HS1BP3: variants seen among roughly 807,000 people sequenced by gnomAD.
HS1BP3 encodes the protein HCLS1 binding protein 3.
Under a neutral mutation model 33.5 loss-of-function variants are expected in HS1BP3, and 32 were observed. That is an observed-to-expected ratio of 0.95 (90% confidence interval 0.72 to 1.28). The LOEUF is 1.28. HS1BP3 is among the 50% of genes most tolerant of loss of function. The pLI is 0.00. For synonymous variants in HS1BP3, 187 were observed against 209.2 expected, an observed-to-expected ratio of 0.89 and a Z score of 0.92; for missense variants, 486 against 502.3, an observed-to-expected ratio of 0.97 and a Z score of 0.31.
At chr2:20,650,633 CCT>C (rs1695664697) in intron 1 of HS1BP3, among the ~76,000 whole-genome samples, 1 of 152,240 alleles carries the variant, frequency 6.6e-6, no homozygotes, top group Non-Finnish European at 1.5e-5. Flanking sequence ...GTCTGATTCG[CCT>C]CTGTCCCCAG....
chr2:20,630,186 T>A (rs1346048240), intron 4 of HS1BP3, among the ~76,000 whole-genome samples: 1 of 152,256 alleles, frequency 6.6e-6, no homozygotes, highest in Non-Finnish European at 1.5e-5. Context: ...TCCTTGCCAA[T>A]GATGCAAACT....
At chr2:20,601,802 G>A (rs868027489) in intron 2 of HS1BP3, among the ~76,000 whole-genome samples, 59 of 94,884 alleles carry the variant, frequency 6.2e-4, no homozygotes, top group African/African-American at 1.9e-3. Context: ...TTTTTGAGAC[G>A]GAGTCTTGCT....
intron 2 of HS1BP3, among the ~76,000 whole-genome samples, chr2:20,600,318 G>A (rs1001847819): frequency 6.6e-6 from 1 of 152,158 alleles, no homozygotes; most frequent in Non-Finnish European, 1.5e-5. Context: ...CACTGAGGGC[G>A]AGGTTGGCTG....
At chr2:20,562,457 C>T (rs1326287765) in intron 5 of HS1BP3, among the ~76,000 whole-genome samples, 4 of 151,844 alleles carry the variant, frequency 2.6e-5, no homozygotes, top group African/African-American at 7.3e-5. Context: ...TTAGCCTGGG[C>T]GACAGAGTGA....
chr2:20,628,007 G>C (rs567945181), intron 4 of HS1BP3, among the ~76,000 whole-genome samples: 1 of 152,130 alleles, frequency 6.6e-6, no homozygotes, highest in Admixed American at 6.5e-5. Flanking sequence ...TCCCCAAGGC[G>C]GGAGGGGCAG....
At chr2:20,649,414 C>A (rs1695617956) in intron 1 of HS1BP3, among the ~76,000 whole-genome samples, 1 of 152,226 alleles carries the variant, frequency 6.6e-6, no homozygotes, top group Non-Finnish European at 1.5e-5. Flanking sequence ...TTTACCACAC[C>A]ATAGAAAACA....
chr2:20,624,778 C>A lies in HS1BP3; in HGVS notation c.738G>T (p.Arg246Ser). The stretch of plus-strand genomic sequence containing the variant: ...CCGAGGGGTCCTGTGGAGACAGCTT[C>A]CTGCCCGGGCCAAAGAGCCCCTCAT... ...DPDEGLFGPG[R>S]KLSPQDPSED... Residue 246 changes from arginine (R) to serine (S), a missense_variant, in exon 5 of 7, where the codon AGG (arginine) becomes AGT (serine). By Grantham distance (110) the Arg-to-Ser change is moderately radical. Coordinates refer to ENST00000304031, the MANE Select transcript of HS1BP3 (RefSeq NM_022460.4). The A allele has an allele frequency of 6.2e-7, 1 of 1,612,946 alleles. No homozygotes were observed. Among genetic ancestry groups the A allele is most frequent in the Non-Finnish European group, 8.5e-7 (1 of 1,179,346 alleles).
chr2:20,638,712 C>T, intron 3 of HS1BP3, 60 bp from the exon 4 acceptor site: 3 of 1,312,376 alleles, frequency 2.3e-6, no homozygotes. Context: ...GGGGAGGCAT[C>T]TTGCCACACT....
intron 5 of HS1BP3, among the ~76,000 whole-genome samples, chr2:20,577,578 T>A (rs560669127): frequency 6.6e-6 from 1 of 152,176 alleles, no homozygotes; most frequent in African/African-American, 2.4e-5. Context: ...AGAAAGAGCC[T>A]CCAGGCCCAA....
rs141764951 is a variant in HS1BP3 at position 20,564,314 on chromosome 2, C to T, written c.303-3799G>A. On this transcript the variant is annotated intron_variant, in intron 5 of 5. Coordinates refer to the HS1BP3 transcript ENST00000446825. ...ACGGCTGTGACTCCGACAGAGACTCCATCACGTGGAGCAGAAGCTGCCTCC... is the reference window on the plus strand; with the variant it reads ...ACGGCTGTGACTCCGACAGAGACTCTATCACGTGGAGCAGAAGCTGCCTCC... 1.6e-3 allele frequency among the ~76,000 whole-genome samples: 245 copies of T among 152,328 alleles called. 1 individual carries two copies. Among genetic ancestry groups the T allele is most frequent in the African/African-American group, 5.6e-3 (231 of 41,574 alleles).
intron 2 of HS1BP3, among the ~76,000 whole-genome samples, chr2:20,603,278 A>G (rs1317460235): frequency 6.6e-6 from 1 of 152,132 alleles, no homozygotes; most frequent in Admixed American, 6.5e-5. Flanking sequence ...CTACACATGA[A>G]TGTTCACAGC....
chr2:20,557,220 C>A (rs551375182), downstream of HS1BP3, among the ~76,000 whole-genome samples: 11 of 152,184 alleles, frequency 7.2e-5, no homozygotes, highest in Non-Finnish European at 1.5e-4. Context: ...TTGCAAGTGA[C>A]CTCTTTTTTT....
intron 4 of HS1BP3, among the ~76,000 whole-genome samples, chr2:20,627,200 T>C (rs530770347): frequency 4.6e-5 from 7 of 152,302 alleles, no homozygotes; most frequent in African/African-American, 1.7e-4. Flanking sequence ...CCCCGGCCCC[T>C]ACCCAGGTGG....
chr2:20,577,241 C>A (rs750508461), intron 5 of HS1BP3, among the ~76,000 whole-genome samples: 4 of 152,034 alleles, frequency 2.6e-5, no homozygotes, highest in Non-Finnish European at 5.9e-5. Context: ...TCGGGGAGGG[C>A]CTGGGAGCTG....
chr2:20,584,112 G>A (rs538074159), intron 5 of HS1BP3, among the ~76,000 whole-genome samples: 21 of 152,318 alleles, frequency 1.4e-4, no homozygotes, highest in African/African-American at 3.1e-4. Flanking sequence ...GGCACTGAGC[G>A]AGGACACAGG....
At chr2:20,622,114 C>T (rs1694619351) in intron 6 of HS1BP3, 2 of 1,159,698 alleles carry the variant, frequency 1.7e-6, no homozygotes, top group Non-Finnish European at 2.2e-6. Context: ...GCTCAGTGTA[C>T]ACCCCACGCG....
intron 5 of HS1BP3, among the ~76,000 whole-genome samples, chr2:20,565,238 G>A (rs1693097538): frequency 6.6e-6 from 1 of 152,168 alleles, no homozygotes; most frequent in African/African-American, 2.4e-5. Context: ...AAAATGGGGT[G>A]AGGCCATACC....
intron 5 of HS1BP3, among the ~76,000 whole-genome samples, chr2:20,562,050 C>T (rs1693012497): frequency 6.6e-6 from 1 of 152,188 alleles, no homozygotes; most frequent in African/African-American, 2.4e-5. Context: ...TTCCGGATTG[C>T]TAACCACGTG....
intron 2 of HS1BP3, among the ~76,000 whole-genome samples, chr2:20,600,566 C>G (rs1694050743): frequency 6.6e-6 from 1 of 152,212 alleles, no homozygotes; most frequent in South Asian, 2.1e-4. Flanking sequence ...GCGTAACACA[C>G]AGACCAACCA....
Sources: gnomAD v4.1 joint callset for allele counts (sites outside exome capture counted in the v4.1 genomes callset) on GRCh38, gnomAD v4.1.1 for gene constraint, MANE v1.5 for transcripts, NCBI Gene and HGNC (gene_info 2026-07-23, HGNC 2026-07-21) for gene names.